Variants in PLEKHH2 observed in about 807,000 individuals in gnomAD.
The protein encoded by PLEKHH2 is pleckstrin homology domain-containing family H member 2.
PLEKHH2 carries 129 observed loss-of-function variants against 187.9 expected under a neutral mutation model. That is an observed-to-expected ratio of 0.69 (90% CI 0.59 to 0.79). The LOEUF (loss-of-function observed/expected upper bound fraction) is 0.79. Ranked by LOEUF, PLEKHH2 falls within the 30% of genes least tolerant of loss-of-function variation. The pLI, the probability that PLEKHH2 is intolerant of heterozygous loss-of-function variation, is 0.00. For missense variants in PLEKHH2, 2,076 were observed against 1,751.2 expected, an observed-to-expected ratio of 1.19 and a Z score of -3.31; for synonymous variants, 686 against 605.6, an observed-to-expected ratio of 1.13 and a Z score of -1.95.
At chr2:43,659,409 C>T (rs1666956392) in intron 2 of PLEKHH2, among the ~76,000 whole-genome samples, 1 of 151,490 alleles carries the variant, frequency 6.6e-6, no homozygotes, top group Non-Finnish European at 1.5e-5. Flanking sequence ...ATGTTATTCT[C>T]ATTTCATCTC....
chr2:43,744,713 CA>C (rs1370174092), intron 23 of PLEKHH2, among the ~76,000 whole-genome samples: 1 of 151,280 alleles, frequency 6.6e-6, no homozygotes, highest in Admixed American at 6.6e-5. Flanking sequence ...ACTAAAAATA[CA>C]AAAATTAGCC....
At position 43,700,380 on chromosome 2, in the gene PLEKHH2, C is replaced by T. The variant is rs765253237; in HGVS notation, c.1422C>T (p.Asn474=). The T allele has an allele frequency of 2.6e-5, 42 of 1,613,968 alleles. No individual in the cohort carries two copies. The highest frequency in any genetic ancestry group is 2.0e-4 in the East Asian group (9 of 44,868). The part of the protein sequence containing the change: ...SSDRMFGTNR[N]AISMIRPLRP... Reference sequence around the variant, plus strand: ...ACAGGATGTTTGGTACAAATAGAAACGCTATAAGCATGATACGACCACTGA... The same window carrying T: ...ACAGGATGTTTGGTACAAATAGAAATGCTATAAGCATGATACGACCACTGA... Residue 474 remains asparagine (N), a synonymous_variant, in exon 8 of 30, where the codon AAC becomes AAT. Coordinates refer to ENST00000282406, the MANE Select transcript of PLEKHH2 (RefSeq NM_172069.4).
chr2:43,763,154 G>C (rs1487252159), intron 28 of PLEKHH2, among the ~76,000 whole-genome samples: 1 of 151,986 alleles, frequency 6.6e-6, no homozygotes, highest in African/African-American at 2.4e-5. Flanking sequence ...TTTTTAAATG[G>C]ATAACTTGAA....
At chr2:43,656,333 A>C (rs1666759180) in intron 2 of PLEKHH2, among the ~76,000 whole-genome samples, 1 of 152,170 alleles carries the variant, frequency 6.6e-6, no homozygotes, top group South Asian at 2.1e-4. Flanking sequence ...TTTTTGGTAT[A>C]TGTTTATACA....
chr2:43,755,588 G>T (rs917770020), intron 25 of PLEKHH2, among the ~76,000 whole-genome samples: 5 of 152,094 alleles, frequency 3.3e-5, no homozygotes, highest in African/African-American at 1.2e-4. Context: ...CAGTAATTTG[G>T]GCAGGGATGT....
chr2:43,743,550 G>T (rs1671659521), intron 22 of PLEKHH2, among the ~76,000 whole-genome samples: 1 of 152,140 alleles, frequency 6.6e-6, no homozygotes, highest in African/African-American at 2.4e-5. Flanking sequence ...CTTCTAATGG[G>T]TAAGCATAAT....
intron 6 of PLEKHH2, among the ~76,000 whole-genome samples, chr2:43,696,692 A>C (rs1303323723): frequency 6.6e-6 from 1 of 152,032 alleles, no homozygotes; most frequent in East Asian, 1.9e-4. Context: ...AGATAAGCAA[A>C]AGTCATTACA....
At chr2:43,641,757 T>C (rs1200066984) in intron 1 of PLEKHH2, among the ~76,000 whole-genome samples, 3 of 152,172 alleles carry the variant, frequency 2.0e-5, no homozygotes, top group Non-Finnish European at 2.9e-5. Flanking sequence ...GACTATTCTT[T>C]CCCCCATTGG....
chr2:43,716,770 G>T (rs75181152), intron 15 of PLEKHH2, among the ~76,000 whole-genome samples: 7 of 152,130 alleles, frequency 4.6e-5, no homozygotes, highest in African/African-American at 1.4e-4. Flanking sequence ...TGAAATTAAT[G>T]TTTTATTATG....
chr2:43,717,869 A>G (rs1264287761), intron 15 of PLEKHH2, among the ~76,000 whole-genome samples: 1 of 152,218 alleles, frequency 6.6e-6, no homozygotes, highest in East Asian at 1.9e-4. Context: ...TTGTGTTAGA[A>G]CAGTGCCTGG....
At chr2:43,729,081 A>G (rs1670914220) in intron 17 of PLEKHH2, among the ~76,000 whole-genome samples, 2 of 152,194 alleles carry the variant, frequency 1.3e-5, no homozygotes, top group African/African-American at 4.8e-5. Flanking sequence ...TTGTTTATAA[A>G]GAATTTCTAG....
At chr2:43,660,618 C>A (rs1667024278) in intron 2 of PLEKHH2, among the ~76,000 whole-genome samples, 3 of 119,224 alleles carry the variant, frequency 2.5e-5, no homozygotes. Flanking sequence ...ACCCCTCCCC[C>A]CTCCCCCCAC....
At chr2:43,752,559 A>AGAAAAGGCTGAAAAT (rs1328279071) in intron 24 of PLEKHH2, among the ~76,000 whole-genome samples, 1 of 152,162 alleles carries the variant, frequency 6.6e-6, no homozygotes, top group Non-Finnish European at 1.5e-5. Context: ...TGTAGGGGGA[A>AGAAAAGGCTGAAAAT]GAAAAGGCTG....
At chr2:43,643,527 C>G (rs949167381) in intron 1 of PLEKHH2, among the ~76,000 whole-genome samples, 1 of 151,946 alleles carries the variant, frequency 6.6e-6, no homozygotes, top group African/African-American at 2.4e-5. Flanking sequence ...TTTTTAAAAA[C>G]TGGTGTAGGA....
intron 25 of PLEKHH2, among the ~76,000 whole-genome samples, chr2:43,754,201 C>CAAAAAAA: frequency 8.7e-6 from 1 of 115,136 alleles, no homozygotes; most frequent in East Asian, 2.2e-4. Context: ...CACACACACA[C>CAAAAAAA]ACACAAAATT....
intron 24 of PLEKHH2, among the ~76,000 whole-genome samples, chr2:43,746,212 A>C (rs1037253950): frequency 6.6e-6 from 1 of 152,362 alleles, no homozygotes; most frequent in Non-Finnish European, 1.5e-5. Context: ...CATCAGAAAC[A>C]CTAGGTCTCA....
intron 2 of PLEKHH2, among the ~76,000 whole-genome samples, chr2:43,656,667 A>G (rs1019342347): frequency 2.0e-5 from 3 of 152,250 alleles, no homozygotes; most frequent in Non-Finnish European, 4.4e-5. Flanking sequence ...CGATGTATAC[A>G]TATTTAAAAA....
At chr2:43,645,177 T>C (rs1666126407) in intron 2 of PLEKHH2, among the ~76,000 whole-genome samples, 1 of 152,272 alleles carries the variant, frequency 6.6e-6, no homozygotes, top group East Asian at 1.9e-4. Context: ...GTTTATACCG[T>C]ATTTGAAAGA....
At chr2:43,666,785 C>G (rs558569135) in intron 2 of PLEKHH2, among the ~76,000 whole-genome samples, 19 of 152,236 alleles carry the variant, frequency 1.2e-4, no homozygotes, top group African/African-American at 4.6e-4. Flanking sequence ...ATCCTTTTAG[C>G]ATTTTTAAAA....
Sources: allele counts gnomAD v4.1 joint callset (sites outside exome capture counted in the v4.1 genomes callset), GRCh38; gene constraint gnomAD v4.1.1; transcripts MANE v1.5; gene names NCBI Gene and HGNC (gene_info 2026-07-23, HGNC 2026-07-21).